CTNNA3: variants seen among roughly 807,000 people sequenced by gnomAD.
CTNNA3 encodes catenin alpha-3.
In CTNNA3, 76 loss-of-function variants were observed where a neutral mutation model predicts 95.7. The ratio of observed to expected loss-of-function variants is 0.79; its 90% CI spans 0.66 to 0.96. The LOEUF (loss-of-function observed/expected upper bound fraction) is 0.96. Among genes scored for constraint, CTNNA3 ranks in the 40% least tolerant of loss-of-function variants. The pLI is 0.00. For missense variants in CTNNA3, 1,191 were observed against 1,089.8 expected, an observed-to-expected ratio of 1.09 and a Z score of -1.31; for synonymous variants, 431 against 374.4, an observed-to-expected ratio of 1.15 and a Z score of -1.74.
chr10:66,602,653 C>T lies in CTNNA3; in HGVS notation c.1374+19039G>A, dbSNP rs1911333. Among the ~76,000 whole-genome samples, 522 of 151,858 alleles carry T rather than the reference C, an allele frequency of 3.4e-3. 6 individuals are homozygous for T. The highest frequency in any genetic ancestry group is 0.012 in the African/African-American group (499 of 41,466). On this transcript the variant is annotated intron_variant, in intron 10 of 17. Coordinates refer to ENST00000433211, the MANE Select transcript of CTNNA3 (RefSeq NM_013266.4). ...GAGAGACTCAACAAAAAAAGGAAAC[C>T]GCAGACCAATATATCTGACACACAT...
chr10:67,378,090 TC>T lies in CTNNA3; in HGVS notation c.579+143751del, dbSNP rs150466892. ...CTTTAACAAATCTCTATCACCTTCT[TC>T]CCCCTACCCTTCTCAGACCCTAGTG... is the stretch of plus-strand genomic sequence containing the variant. On this transcript the variant is annotated intron_variant, in intron 5 of 17. Transcript: ENST00000433211. Among the ~76,000 whole-genome samples, 2,699 of 152,168 alleles carry T rather than the reference TC, an allele frequency of 0.018. 206 individuals carry two copies. In the East Asian group the frequency reaches 0.23, roughly 13 times the overall value.
At chr10:67,144,426 A>G (rs1294221131) in intron 7 of CTNNA3, among the ~76,000 whole-genome samples, 1 of 152,204 alleles carries the variant, frequency 6.6e-6, no homozygotes, top group African/African-American at 2.4e-5. Flanking sequence ...CTAGTTATGA[A>G]AGTCCTAGAT....
chr10:66,345,062 A>G (rs1172969871), intron 12 of CTNNA3, among the ~76,000 whole-genome samples: 7 of 152,082 alleles, frequency 4.6e-5, no homozygotes, highest in Non-Finnish European at 1.0e-4. Context: ...AGCAAGACTT[A>G]TCTTTATTAA....
chr10:67,761,738 C>T (rs1190816441), intron 1 of CTNNA3, among the ~76,000 whole-genome samples: 5 of 152,062 alleles, frequency 3.3e-5, no homozygotes, highest in African/African-American at 1.2e-4. Flanking sequence ...ATTACCCAGG[C>T]GTGGTGGCAG....
intron 5 of CTNNA3, among the ~76,000 whole-genome samples, chr10:67,278,631 TTTC>T (rs1554817261): frequency 6.6e-6 from 1 of 152,154 alleles, no homozygotes; most frequent in Non-Finnish European, 1.5e-5. Flanking sequence ...TTGTACAATG[TTTC>T]TTATCAGACC....
At chr10:67,211,194 T>C (rs1864125058) in intron 6 of CTNNA3, among the ~76,000 whole-genome samples, 1 of 152,048 alleles carries the variant, frequency 6.6e-6, no homozygotes, top group Non-Finnish European at 1.5e-5. Context: ...ATGAGACTCA[T>C]GATACAAACA....
intron 1 of CTNNA3, among the ~76,000 whole-genome samples, chr10:67,693,102 T>C (rs1299405040): frequency 1.3e-5 from 2 of 152,208 alleles, no homozygotes; most frequent in African/African-American, 4.8e-5. Context: ...TCACCTATCA[T>C]ATGCTAGAAG....
chr10:66,513,806 A>G (rs1840744956), intron 11 of CTNNA3, among the ~76,000 whole-genome samples: 1 of 152,080 alleles, frequency 6.6e-6, no homozygotes, highest in African/African-American at 2.4e-5. Context: ...TGTGCTTTGG[A>G]TTTCTATGTC....
chr10:66,002,885 G>A (rs927682258), intron 15 of CTNNA3, among the ~76,000 whole-genome samples: 2 of 152,194 alleles, frequency 1.3e-5, no homozygotes, highest in Non-Finnish European at 2.9e-5. Flanking sequence ...AAGAAAACAA[G>A]GTTTTGTGAA....
At chr10:67,756,387 CAATTT>C (rs1448305011) in intron 1 of CTNNA3, among the ~76,000 whole-genome samples, 1 of 151,952 alleles carries the variant, frequency 6.6e-6, no homozygotes, top group Non-Finnish European at 1.5e-5. Context: ...CTAACTACAC[CAATTT>C]AATATTTACA....
intron 5 of CTNNA3, among the ~76,000 whole-genome samples, chr10:67,279,336 T>C (rs890253338): frequency 3.9e-5 from 6 of 152,210 alleles, no homozygotes; most frequent in Non-Finnish European, 8.8e-5. Flanking sequence ...CAGGTCTCAA[T>C]CAATTTGGAA....
chr10:66,249,229 T>C (rs1047384976), intron 13 of CTNNA3, among the ~76,000 whole-genome samples: 1 of 151,932 alleles, frequency 6.6e-6, no homozygotes, highest in Admixed American at 6.6e-5. Flanking sequence ...ATTTCTTGAG[T>C]AGTACCCTAC....
intron 7 of CTNNA3, among the ~76,000 whole-genome samples, chr10:66,936,568 C>T (rs1847707605): frequency 6.6e-6 from 1 of 151,988 alleles, no homozygotes; most frequent in African/African-American, 2.4e-5. Flanking sequence ...TTCTAGAATT[C>T]CCAATCAAAT....
At chr10:67,034,219 C>T (rs983548302) in intron 7 of CTNNA3, among the ~76,000 whole-genome samples, 6 of 152,114 alleles carry the variant, frequency 3.9e-5, no homozygotes, top group East Asian at 3.9e-4. Flanking sequence ...CCAGGGCAAC[C>T]GGGATCACTT....
intron 7 of CTNNA3, among the ~76,000 whole-genome samples, chr10:67,170,275 T>C (rs1292699298): frequency 2.0e-5 from 3 of 152,184 alleles, no homozygotes; most frequent in Non-Finnish European, 4.4e-5. Context: ...ACTGGGTACA[T>C]ACCCAAAGGA....
At chr10:67,747,641 T>C (rs932070495) in intron 1 of CTNNA3, among the ~76,000 whole-genome samples, 1 of 152,142 alleles carries the variant, frequency 6.6e-6, no homozygotes, top group Non-Finnish European at 1.5e-5. Flanking sequence ...AGACAACTCA[T>C]GAAGATGAGA....
chr10:67,198,440 C>T (rs563590736), intron 6 of CTNNA3, among the ~76,000 whole-genome samples: 1 of 152,046 alleles, frequency 6.6e-6, no homozygotes, highest in East Asian at 1.9e-4. Context: ...GAATATGAGT[C>T]ACAGTGTGGA....
chr10:67,318,748 T>C (rs1841176348), intron 5 of CTNNA3, among the ~76,000 whole-genome samples: 1 of 152,240 alleles, frequency 6.6e-6, no homozygotes, highest in African/African-American at 2.4e-5. Flanking sequence ...CAGTGAAGCT[T>C]ACTCTGATCA....
At chr10:67,734,270 T>C (rs1007461705) in intron 1 of CTNNA3, among the ~76,000 whole-genome samples, 13 of 152,160 alleles carry the variant, frequency 8.5e-5, no homozygotes, top group Non-Finnish European at 1.8e-4. Flanking sequence ...CTGACTGTGG[T>C]CAGAATCAGT....
Sources: allele counts gnomAD v4.1 joint callset (sites outside exome capture counted in the v4.1 genomes callset), GRCh38; gene constraint gnomAD v4.1.1; transcripts MANE v1.5; gene names NCBI Gene and HGNC (gene_info 2026-07-23, HGNC 2026-07-21).